CCDC85A: variants seen among roughly 807,000 people sequenced by gnomAD.
CCDC85A encodes the protein coiled-coil domain-containing protein 85A.
Under a neutral mutation model 50.2 loss-of-function variants are expected in CCDC85A, and 38 were observed. That is an observed-to-expected ratio of 0.76 (90% confidence interval 0.58 to 0.99). The LOEUF is 0.99. Among genes scored for constraint, CCDC85A ranks in the 50% least tolerant of loss-of-function variants. The pLI, the probability that CCDC85A is intolerant of heterozygous loss-of-function variation, is 0.00. For missense variants in CCDC85A, 820 were observed against 742.0 expected (o/e 1.11, Z -1.22); for synonymous variants, 366 against 301.4 (o/e 1.21, Z -2.22).
At chr2:56,288,988 A>T (rs762252942) in intron 2 of CCDC85A, among the ~76,000 whole-genome samples, 1 of 152,192 alleles carries the variant, frequency 6.6e-6, no homozygotes, top group African/African-American at 2.4e-5. Flanking sequence ...TGGCAGTAAG[A>T]GTTTCAATAA....
chr2:56,333,930 C>T (rs1673948287), intron 2 of CCDC85A, among the ~76,000 whole-genome samples: 1 of 152,314 alleles, frequency 6.6e-6, no homozygotes, highest in South Asian at 2.1e-4. Context: ...GCTGTCACTT[C>T]CCTCTCCATG....
intron 2 of CCDC85A, among the ~76,000 whole-genome samples, chr2:56,296,302 G>T (rs1189323941): frequency 6.6e-6 from 1 of 152,084 alleles, no homozygotes; most frequent in Admixed American, 6.6e-5. Context: ...GTTTCTTTTT[G>T]CCCTACTGTG....
intron 2 of CCDC85A, among the ~76,000 whole-genome samples, chr2:56,241,396 G>A (rs1214868571): frequency 6.6e-6 from 1 of 152,008 alleles, no homozygotes; most frequent in East Asian, 1.9e-4. Flanking sequence ...TTGCCGCGTT[G>A]TGCTATCAAA....
chr2:56,218,462 G>T (rs943428738), intron 2 of CCDC85A, among the ~76,000 whole-genome samples: 3 of 151,848 alleles, frequency 2.0e-5, no homozygotes, highest in Non-Finnish European at 4.4e-5. Context: ...GTAGCCTATT[G>T]TACATTTTTC....
At chr2:56,326,615 G>C (rs1188824419) in intron 2 of CCDC85A, among the ~76,000 whole-genome samples, 1 of 152,024 alleles carries the variant, frequency 6.6e-6, no homozygotes, top group Non-Finnish European at 1.5e-5. Flanking sequence ...CCCTGTGTTG[G>C]CTGGATTTAA....
intron 2 of CCDC85A, among the ~76,000 whole-genome samples, chr2:56,298,336 G>A (rs916802296): frequency 6.6e-6 from 1 of 152,088 alleles, no homozygotes; most frequent in African/African-American, 2.4e-5. Flanking sequence ...GCATTGCCTA[G>A]GAAGCAACAT....
intron 2 of CCDC85A, among the ~76,000 whole-genome samples, chr2:56,244,071 G>C (rs1392179498): frequency 6.6e-6 from 1 of 152,108 alleles, no homozygotes; most frequent in Non-Finnish European, 1.5e-5. Flanking sequence ...ACCACTACCT[G>C]TCTACTGCCT....
chr2:56,303,948 A>G (rs894050902), intron 2 of CCDC85A, among the ~76,000 whole-genome samples: 14 of 152,214 alleles, frequency 9.2e-5, no homozygotes, highest in Admixed American at 6.6e-4. Flanking sequence ...GAAGTTCGTC[A>G]TCTCAGGTAA....
Position 56,346,662 on chromosome 2 carries a change from A to G in CCDC85A, c.1317+3707A>G, listed in dbSNP as rs183861219. Among the ~76,000 whole-genome samples, 324 of 152,356 alleles carry G rather than the reference A, an allele frequency of 2.1e-3. 3 individuals carry two copies. Among genetic ancestry groups the G allele is most frequent in the African/African-American group, 7.2e-3 (300 of 41,590 alleles). Reference sequence around the variant, plus strand: ...GAGCCAGTCTTATTATTTTTAGAAAATGCTGCATTATGTGCTAGTTATTAT... The same window carrying G: ...GAGCCAGTCTTATTATTTTTAGAAAGTGCTGCATTATGTGCTAGTTATTAT... On this transcript the variant is annotated intron_variant, in intron 3 of 5. Transcript: ENST00000407595.
intron 2 of CCDC85A, among the ~76,000 whole-genome samples, chr2:56,331,727 CT>C (rs1330389844): frequency 1.5e-4 from 23 of 152,302 alleles, no homozygotes; most frequent in African/African-American, 5.3e-4. Flanking sequence ...AAAATCACTG[CT>C]GTTTCAGAAA....
intron 2 of CCDC85A, among the ~76,000 whole-genome samples, chr2:56,316,689 A>G (rs1466396190): frequency 6.6e-6 from 1 of 152,086 alleles, no homozygotes; most frequent in Non-Finnish European, 1.5e-5. Context: ...TAGTAAGGGG[A>G]TGTTCTGTGA....
chr2:56,218,453 T>C (rs530462676), intron 2 of CCDC85A, among the ~76,000 whole-genome samples: 80 of 152,026 alleles, frequency 5.3e-4, no homozygotes, highest in African/African-American at 1.1e-3. Context: ...CCATTGTTAG[T>C]AGCCTATTGT....
intron 3 of CCDC85A, among the ~76,000 whole-genome samples, chr2:56,345,315 C>T (rs910116517): frequency 1.3e-5 from 2 of 152,104 alleles, no homozygotes; most frequent in Non-Finnish European, 2.9e-5. Flanking sequence ...AAAATGGTAT[C>T]GGTTATACCA....
At chr2:56,382,866 C>G (rs989212431) in intron 5 of CCDC85A, among the ~76,000 whole-genome samples, 1 of 151,962 alleles carries the variant, frequency 6.6e-6, no homozygotes, top group South Asian at 2.1e-4. Flanking sequence ...CTAAACCACA[C>G]ATTCAAAGCA....
intron 2 of CCDC85A, among the ~76,000 whole-genome samples, chr2:56,217,436 T>C (rs1210344994): frequency 1.3e-5 from 2 of 151,962 alleles, no homozygotes; most frequent in East Asian, 3.9e-4. Context: ...ATCTTTAATT[T>C]TTTGGTTTAT....
At chr2:56,381,494 C>G (rs1676584044) in intron 5 of CCDC85A, among the ~76,000 whole-genome samples, 2 of 152,052 alleles carry the variant, frequency 1.3e-5, no homozygotes, top group Non-Finnish European at 2.9e-5. Context: ...AGACCTCAGG[C>G]AATTCAGATA....
intron 2 of CCDC85A, among the ~76,000 whole-genome samples, chr2:56,292,645 C>A (rs1180859332): frequency 6.6e-6 from 1 of 152,124 alleles, no homozygotes; most frequent in African/African-American, 2.4e-5. Context: ...TAAATAAATA[C>A]ATAAGGAAAT....
At chr2:56,309,216 T>C (rs1274978423) in intron 2 of CCDC85A, among the ~76,000 whole-genome samples, 3 of 152,102 alleles carry the variant, frequency 2.0e-5, no homozygotes, top group Admixed American at 6.6e-5. Context: ...AAGGAGAAAA[T>C]AATCAATTTA....
chr2:56,329,318 G>A (rs1283543673), intron 2 of CCDC85A, among the ~76,000 whole-genome samples: 2 of 152,144 alleles, frequency 1.3e-5, no homozygotes, highest in Non-Finnish European at 2.9e-5. Context: ...GGGACATACA[G>A]GGCAGTGGTG....
Sources: allele counts gnomAD v4.1 joint callset (sites outside exome capture counted in the v4.1 genomes callset), GRCh38; gene constraint gnomAD v4.1.1; transcripts MANE v1.5; gene names NCBI Gene and HGNC (gene_info 2026-07-23, HGNC 2026-07-21).